Variants in FGFR1 observed in about 807,000 individuals in gnomAD.
The protein encoded by FGFR1 is fibroblast growth factor receptor 1.
Under a neutral mutation model 93.7 loss-of-function variants are expected in FGFR1, and 18 were observed. The ratio of observed to expected loss-of-function variants is 0.19; its 90% CI spans 0.13 to 0.28. The LOEUF is 0.28. Among genes scored for constraint, FGFR1 ranks in the 10% least tolerant of loss-of-function variants. FGFR1 has a pLI of 1.00. For synonymous variants in FGFR1, 448 were observed against 429.3 expected, an observed-to-expected ratio of 1.04 and a Z score of -0.54; for missense variants, 731 against 1,080.4, an observed-to-expected ratio of 0.68 and a Z score of 4.53.
chr8:38,426,003 C>A lies in FGFR1; in HGVS notation c.745+119G>T. On this transcript the variant is annotated intron_variant, in intron 6 of 17. Coordinates refer to ENST00000447712, the MANE Select transcript of FGFR1 (RefSeq NM_023110.3). The surrounding 1 kb of genome is among the most constrained non-coding windows in gnomAD (Gnocchi z 4.1). Reference sequence around the variant, plus strand: ...AGTGACCTGCTCAAGGTGACAAAGCCAAGAAGTGCCAATCGCTATCCTGAC... The same window carrying A: ...AGTGACCTGCTCAAGGTGACAAAGCAAAGAAGTGCCAATCGCTATCCTGAC... 2.9e-6 allele frequency: 4 copies of A among 1,399,528 alleles called. No individual in the cohort carries two copies. The South Asian group carries it at 4.6e-5, about 16-fold the overall frequency. The allele number at this position is 1,399,528 out of a possible 1,614,324, so 86.7% of individuals were successfully genotyped here.
At position 38,428,470 on chromosome 8, in the gene FGFR1, T is replaced by G. The variant is rs775052299; in HGVS notation, c.359-35A>C. On this transcript the variant is annotated intron_variant, in intron 3 of 17. Transcript: ENST00000447712. Reference sequence around the variant, plus strand: ...GAAGAAGGGGCACTGAGGTTCCTCCTAGGGACCCCTAGATTTCACCAAGGC... The same window carrying G: ...GAAGAAGGGGCACTGAGGTTCCTCCGAGGGACCCCTAGATTTCACCAAGGC... 3 of 1,537,344 alleles carry G rather than the reference T, an allele frequency of 2.0e-6. No homozygotes were observed. In the South Asian group the frequency reaches 3.5e-5, roughly 18 times the overall value.
intron 8 of FGFR1, 108 bp from the exon 9 acceptor site, chr8:38,419,843 G>A (rs1022652054): frequency 4.3e-6 from 4 of 927,024 alleles, no homozygotes; most frequent in Non-Finnish European, 6.7e-6. Context: ...GGAACTTTTA[G>A]GGAGAAGAAC....
chr8:38,427,690 G>A (rs1193592551), intron 5 of FGFR1, among the ~76,000 whole-genome samples: 1 of 152,048 alleles, frequency 6.6e-6, no homozygotes, highest in African/African-American at 2.4e-5. Flanking sequence ...AAATGACAAG[G>A]CAAGGAAATT....
At chr8:38,464,664 A>T (rs575279489) in intron 1 of FGFR1, among the ~76,000 whole-genome samples, 2 of 152,344 alleles carry the variant, frequency 1.3e-5, no homozygotes, top group South Asian at 4.1e-4. Context: ...TGGTGCGTTC[A>T]GGCCTTTTAC....
In FGFR1 at chr8:38,426,556, C is replaced by T. The variant is rs184032416; in HGVS notation, c.622-311G>A. Among the ~76,000 whole-genome samples the T allele has an allele frequency of 4.9e-3, 750 of 152,346 alleles. 16 individuals carry two copies. Among genetic ancestry groups the T allele is most frequent in the Non-Finnish European group, 7.3e-3 (497 of 68,036 alleles). On this transcript the variant is annotated intron_variant, in intron 5 of 17. Transcript: ENST00000447712. This position sits in a 1 kb window ranked among gnomAD's most constrained non-coding sequence, Gnocchi z 4.1. ...CAAGAATGTTCCCAACTGTGCACCT[C>T]TCCTATTACACTAAGAATCCAGCCC...
Position 38,429,737 on chromosome 8 carries a change from G to A in FGFR1, c.303C>T (p.Cys101=), listed in dbSNP as rs142638017. ...SVPADSGLYA[C]VTSSPSGSDT... ...CACTGCCCGAGGGGCTGCTGGTTAC[G>A]CAAGCATAGAGGCCGGAGTCTGCGG... The change falls in exon 3 of 18, where the codon TGC becomes TGT. Residue 101 remains cysteine (C), a synonymous_variant. Transcript: ENST00000447712. This position sits in a 1 kb window ranked among gnomAD's most constrained non-coding sequence, Gnocchi z 4.4. 3.6e-5 allele frequency: 57 copies of A among 1,587,114 alleles called. No homozygotes were observed. The East Asian group carries it at 5.1e-4, about 14-fold the overall frequency.
At chr8:38,454,327 T>C (rs1832046528) in intron 2 of FGFR1, among the ~76,000 whole-genome samples, 1 of 152,160 alleles carries the variant, frequency 6.6e-6, no homozygotes, top group African/African-American at 2.4e-5. Flanking sequence ...AGAAAGTACT[T>C]TAGGCTCCAT....
intron 2 of FGFR1, among the ~76,000 whole-genome samples, chr8:38,455,447 C>T (rs564826355): frequency 1.8e-4 from 28 of 152,164 alleles, no homozygotes; most frequent in African/African-American, 6.0e-4. Context: ...CCTGCCACTA[C>T]GCCCGGCTAA....
chr8:38,454,947 C>A (rs1254939294), intron 2 of FGFR1, among the ~76,000 whole-genome samples: 1 of 150,594 alleles, frequency 6.6e-6, no homozygotes, highest in African/African-American at 2.4e-5. Flanking sequence ...AGCATCTACC[C>A]ATTTAAGTCT....
At chr8:38,416,448 ATTTTTTTTTT>A (rs57944426) in intron 12 of FGFR1, among the ~76,000 whole-genome samples, 1 of 80,936 alleles carries the variant, frequency 1.2e-5, no homozygotes, top group Admixed American at 1.7e-4. Flanking sequence ...TGCCTGGCTA[ATTTTTTTTTT>A]TTTTTTTTTT....
chr8:38,433,562 G>A (rs149824149), intron 2 of FGFR1, among the ~76,000 whole-genome samples: 227 of 152,166 alleles, frequency 1.5e-3, no homozygotes, highest in African/African-American at 5.3e-3. Context: ...TGCCCGCCTC[G>A]GTCCTTGCAT....
intron 13 of FGFR1, among the ~76,000 whole-genome samples, 162 bp from the exon 14 acceptor site, chr8:38,415,063 G>C (rs1815914933): frequency 6.6e-6 from 1 of 152,156 alleles, no homozygotes; most frequent in Non-Finnish European, 1.5e-5. Flanking sequence ...TTCTCTGCCA[G>C]CTCCAGGCTT....
chr8:38,461,757 A>ATGGG (rs1267566006), intron 1 of FGFR1, among the ~76,000 whole-genome samples: 4 of 152,170 alleles, frequency 2.6e-5, no homozygotes, highest in African/African-American at 9.7e-5. Context: ...TGAGGCTCAA[A>ATGGG]TGGGTGGTGT....
At chr8:38,451,673 T>C (rs1413247724) in intron 2 of FGFR1, among the ~76,000 whole-genome samples, 2 of 152,038 alleles carry the variant, frequency 1.3e-5, no homozygotes, top group African/African-American at 4.8e-5. Flanking sequence ...CCAGACTCCT[T>C]CAAATCTGGG....
rs1818935081 is a variant in FGFR1, at chr8:38,421,850, G to A, written c.1028C>T (p.Ala343Val). Residue 343 changes from alanine (A) to valine (V), a missense_variant, in exon 8 of 18, where the codon GCG (alanine) becomes GTG (valine). By Grantham distance (64) the Ala-to-Val change is moderately conservative. Around this residue, in one of 10 missense-constraint regions of FGFR1, gnomAD observed 109 missense variants for 249.4 expected, o/e 0.44. Coordinates refer to ENST00000447712, the MANE Select transcript of FGFR1 (RefSeq NM_023110.3). ...FEDAGEYTCL[A>V]GNSIGLSHHS... ...ATGGGAGAGTCCGATAGAGTTACCC[G>A]CCAAGCACGTATACTCCCCTGCGTC... is the stretch of plus-strand genomic sequence containing the variant. 2 of 1,613,954 alleles carry A rather than the reference G, an allele frequency of 1.2e-6. No homozygotes were observed. The highest frequency in any genetic ancestry group is 1.7e-6 in the Non-Finnish European group (2 of 1,179,920).
intron 2 of FGFR1, among the ~76,000 whole-genome samples, chr8:38,439,423 GCTGATGACCC>G (rs1826588806): frequency 6.6e-6 from 1 of 152,152 alleles, no homozygotes; most frequent in Non-Finnish European, 1.5e-5. Flanking sequence ...ACAGCTTACA[GCTGATGACCC>G]CTGATGACCC....
intron 1 of FGFR1, among the ~76,000 whole-genome samples, chr8:38,467,248 C>T (rs1236503525): frequency 6.6e-6 from 1 of 152,040 alleles, no homozygotes; most frequent in Admixed American, 6.6e-5. Context: ...TTTCAGAGAC[C>T]GTCCAAGTCA....
At chr8:38,428,156 G>A (rs1412615794) in intron 4 of FGFR1, 63 bp from the exon 5 acceptor site, 6 of 1,606,108 alleles carry the variant, frequency 3.7e-6, no homozygotes, top group African/African-American at 1.3e-5. Context: ...AGGCTCAGGA[G>A]CAGGGCCCAG....
In FGFR1 at chr8:38,413,740, G is replaced by C. The variant is rs775161322; in HGVS notation, c.2357C>G (p.Ser786Cys). ...YSPSFPDTRSSTCSSGEDSVF... is the reference protein window; with the variant it reads ...YSPSFPDTRSCTCSSGEDSVF... ...GGAATCCTCCCCTGAGGAGCACGTA[G>C]AGCTCCGGGTGTCGGGAAAGCTGGG... Residue 786 changes from serine to cysteine, a missense_variant, in exon 18 of 18, where the codon TCT becomes TGT. Around this residue, in one of 10 missense-constraint regions of FGFR1, gnomAD observed 79 missense variants for 97.2 expected, o/e 0.81. Coordinates refer to ENST00000447712, the MANE Select transcript of FGFR1 (RefSeq NM_023110.3). This position sits in a 1 kb window ranked among gnomAD's most constrained non-coding sequence, Gnocchi z 4.2. The C allele has an allele frequency of 6.2e-7, 1 of 1,614,150 alleles. No homozygotes were observed. The highest frequency in any genetic ancestry group is 1.1e-5 in the South Asian group (1 of 91,084).
Sources: gnomAD v4.1 joint callset for allele counts (sites outside exome capture counted in the v4.1 genomes callset) on GRCh38, gnomAD v4.1.1 for gene constraint, gnomAD v4.1.1 regional missense constraint, Gnocchi (gnomAD v3.1) non-coding constraint, MANE v1.5 for transcripts, NCBI Gene and HGNC (gene_info 2026-07-23, HGNC 2026-07-21) for gene names.